The following CALB2 variants were observed in gnomAD, a reference collection of about 807,000 sequenced individuals.
CALB2 encodes the protein calretinin.
A neutral mutation model predicts 45.9 loss-of-function variants in CALB2; 34 were observed. That is an observed-to-expected ratio of 0.74 (90% CI 0.56 to 0.99). The LOEUF is 0.99. Ranked by LOEUF, CALB2 falls within the 50% of genes least tolerant of loss-of-function variation. The probability of loss-of-function intolerance (pLI) is 0.00; values close to 1 mark genes in which losing one functional copy is unlikely to be tolerated. For synonymous variants in CALB2, 142 were observed against 129.6 expected, an observed-to-expected ratio of 1.10 and a Z score of -0.65; for missense variants, 344 against 339.3, an observed-to-expected ratio of 1.01 and a Z score of -0.11.
chr16:71,372,352 T>C (rs1212956471), intron 2 of CALB2, 123 bp downstream of exon 2: 8 of 643,828 alleles, frequency 1.2e-5, no homozygotes, highest in Non-Finnish European at 2.2e-5. Flanking sequence ...CAGCATTTTA[T>C]TTGTAAGGAT....
Position 71,389,957 on chromosome 16 carries a change from G to A in CALB2, c.*92G>A, listed in dbSNP as rs1279549745. 8.9e-6 allele frequency: 7 copies of A among 788,072 alleles called. No individual in the cohort carries two copies. Among genetic ancestry groups the A allele is most frequent in the Non-Finnish European group, 1.3e-5 (6 of 458,588 alleles). The allele number at this position is 788,072 out of a possible 1,614,324, so 48.8% of individuals were successfully genotyped here. A position where few individuals can be genotyped will look rare whatever the true frequency, so the allele number is the denominator to read the frequency against. ...CAGACTCAGAGACCGTGAGCGCCCC[G>A]CCCCCACCCCTACAGCCTGCACACA... On this transcript the variant is annotated 3_prime_UTR_variant, in exon 11 of 11. Transcript: ENST00000302628.
At position 71,383,400 on chromosome 16, in the gene CALB2, C is replaced by A; in HGVS notation, c.433C>A (p.Arg145=). The change falls in exon 6 of 11, where the codon CGG becomes AGG. Residue 145 remains arginine, a synonymous_variant. Transcript: ENST00000302628. The part of the protein sequence containing the change: ...FLSDLLKKAN[R]PYDEPKLQEY... ...GTCAGACCTGCTGAAGAAGGCGAAC[C>A]GGCCGTACGATGAGCCCAAGCTCCA... The A allele has an allele frequency of 6.2e-7, 1 of 1,614,100 alleles. No individual in the cohort carries two copies. The highest frequency in any genetic ancestry group is 8.5e-7 in the Non-Finnish European group (1 of 1,179,990).
chr16:71,362,538 G>C (rs2042245931), intron 1 of CALB2, among the ~76,000 whole-genome samples: 1 of 152,216 alleles, frequency 6.6e-6, no homozygotes, highest in South Asian at 2.1e-4. Flanking sequence ...GTGGAGGGGA[G>C]AATGTGCTTC....
At chr16:71,382,027 AGG>A (rs2144993170) in intron 4 of CALB2, among the ~76,000 whole-genome samples, 1 of 105,000 alleles carries the variant, frequency 9.5e-6, no homozygotes, top group African/African-American at 3.7e-5. Flanking sequence ...GAGGAGGAGG[AGG>A]AGGAGGAGGA....
intron 1 of CALB2, among the ~76,000 whole-genome samples, chr16:71,360,698 A>G (rs2042229205): frequency 6.6e-6 from 1 of 152,174 alleles, no homozygotes; most frequent in Non-Finnish European, 1.5e-5. Flanking sequence ...GTCCATAACC[A>G]CGCAGATCCT....
chr16:71,383,539 C>A (rs1251443444), intron 6 of CALB2, 95 bp downstream of exon 6: 3 of 1,110,454 alleles, frequency 2.7e-6, no homozygotes, highest in Non-Finnish European at 4.0e-6. Flanking sequence ...TTTGCTGATT[C>A]TTCAGGCCCA....
intron 3 of CALB2, among the ~76,000 whole-genome samples, chr16:71,375,991 T>C (rs113072758): frequency 0.011 from 1,692 of 152,260 alleles, 37 homozygotes; most frequent in African/African-American, 0.039. Context: ...TCTGACTTCA[T>C]AGCAGCTGAG....
At chr16:71,372,021 G>T (rs898722855) in intron 1 of CALB2, 132 bp from the exon 2 acceptor site, 4 of 689,264 alleles carry the variant, frequency 5.8e-6, no homozygotes, top group South Asian at 1.6e-5. Flanking sequence ...CACACCCCTA[G>T]CTCCACTGGC....
At chr16:71,383,880 C>A (rs35885273) in intron 6 of CALB2, 90 bp from the exon 7 acceptor site, 5 of 1,448,042 alleles carry the variant, frequency 3.5e-6, no homozygotes, top group African/African-American at 1.4e-5. Context: ...ACGTGTCACC[C>A]GTCCTCCTTC....
At chr16:71,361,569 G>A (rs2042238510) in intron 1 of CALB2, among the ~76,000 whole-genome samples, 1 of 152,142 alleles carries the variant, frequency 6.6e-6, no homozygotes, top group African/African-American at 2.4e-5. Context: ...CCTGGAGTGG[G>A]CTCGCTGGAG....
intron 1 of CALB2, among the ~76,000 whole-genome samples, chr16:71,368,265 G>A (rs1256226360): frequency 1.3e-5 from 2 of 152,204 alleles, no homozygotes; most frequent in African/African-American, 4.8e-5. Flanking sequence ...GCTCACGCCT[G>A]TAATCCCAGC....
intron 1 of CALB2, among the ~76,000 whole-genome samples, chr16:71,364,825 C>CGT (rs143567003): frequency 7.0e-4 from 107 of 151,968 alleles, no homozygotes; most frequent in Middle Eastern, 6.8e-3. Context: ...CTGGAAGAAG[C>CGT]GTGTGTGTGT....
rs766918913 is a variant in CALB2 at position 71,358,771 on chromosome 16, T to C, written c.-22T>C. ...GGCGCGGAGCGGGAGCGGTGCAGGC[T>C]GAGGTCTCCGAGCGGCTCGCCATGG... On this transcript the variant is annotated 5_prime_UTR_variant, in exon 1 of 11. Coordinates refer to ENST00000302628, the MANE Select transcript of CALB2 (RefSeq NM_001740.5). 2.5e-6 allele frequency: 4 copies of C among 1,591,932 alleles called. No individual in the cohort carries two copies. Among genetic ancestry groups the C allele is most frequent in the African/African-American group, 2.7e-5 (2 of 74,556 alleles).
At chr16:71,385,733 C>A in intron 10 of CALB2, 85 bp downstream of exon 10, 1 of 1,075,678 alleles carries the variant, frequency 9.3e-7, no homozygotes, top group Non-Finnish European at 1.4e-6. Context: ...GGTGCCTGGT[C>A]CTGCTCTCTA....
At position 71,389,660 on chromosome 16, in the gene CALB2, G is replaced by C. The variant is rs555244227; in HGVS notation, c.700-89G>C. ...CTGGGATGAGATGAGAGAAAGGTGT[G>C]GGTGTTTGTGTTTGTGAATGTGGAC... On this transcript the variant is annotated intron_variant, in intron 10 of 10. Transcript: ENST00000302628. 5.3e-5 allele frequency: 46 copies of C among 865,832 alleles called. No individual in the cohort carries two copies. In the South Asian group the frequency reaches 6.0e-4, roughly 11 times the overall value. 53.6% of individuals were successfully genotyped at this position (865,832 alleles called of 1,614,324 possible). A position where few individuals can be genotyped will look rare whatever the true frequency, so the allele number is the denominator to read the frequency against.
chr16:71,359,323 A>T (rs2042214956), intron 1 of CALB2, among the ~76,000 whole-genome samples: 1 of 152,168 alleles, frequency 6.6e-6, no homozygotes, highest in African/African-American at 2.4e-5. Flanking sequence ...GCTGGGATAA[A>T]TTAGGGGATC....
In CALB2 at chr16:71,390,000, A is replaced by C; in HGVS notation, c.*135A>C. On this transcript the variant is annotated 3_prime_UTR_variant, in exon 11 of 11. Transcript: ENST00000302628. ...TGCACACACCTGCCTGCAGAGCAGG[A>C]AATGAGAGATAGAGGATGGGCAGCT... 1 of 652,934 alleles carries C rather than the reference A, an allele frequency of 1.5e-6. No individual in the cohort carries two copies. Among genetic ancestry groups the C allele is most frequent in the Non-Finnish European group, 2.7e-6 (1 of 366,824 alleles). The allele number at this position is 652,934 out of a possible 1,614,324, so 40.4% of individuals were successfully genotyped here.
At chr16:71,369,716 C>T (rs531731632) in intron 1 of CALB2, among the ~76,000 whole-genome samples, 1 of 152,308 alleles carries the variant, frequency 6.6e-6, no homozygotes, top group South Asian at 2.1e-4. Flanking sequence ...CTTCTGGAAG[C>T]TGCAGATGCA....
At chr16:71,386,410 T>A (rs2042571859) in intron 10 of CALB2, among the ~76,000 whole-genome samples, 1 of 152,210 alleles carries the variant, frequency 6.6e-6, no homozygotes, top group Non-Finnish European at 1.5e-5. Flanking sequence ...GGTGAAGGGC[T>A]ATTCTGGATT....
Sources: gnomAD v4.1 joint callset for allele counts (sites outside exome capture counted in the v4.1 genomes callset) on GRCh38, gnomAD v4.1.1 for gene constraint, MANE v1.5 for transcripts, NCBI Gene and HGNC (gene_info 2026-07-23, HGNC 2026-07-21) for gene names.